Variants in C11orf65 observed in about 807,000 individuals in gnomAD.
C11orf65 encodes chromosome 11 open reading frame 65, also known as protein MFI.
Under a neutral mutation model 35.3 loss-of-function variants are expected in C11orf65, and 38 were observed. The observed-to-expected ratio is 1.08, with a 90% CI of 0.83 to 1.41. The LOEUF is 1.41. Among genes scored for constraint, C11orf65 ranks in the 40% most tolerant of loss-of-function variants. The pLI is 0.00. For missense variants in C11orf65, 370 were observed against 367.1 expected (o/e 1.01, Z -0.06); for synonymous variants, 105 against 114.4 (o/e 0.92, Z 0.53).
At position 108,326,121 on chromosome 11, in the gene C11orf65, T is replaced by C. The variant is rs746815819; in HGVS notation, c.641-17050A>G. ...TTCAGTTAGCTGTGGAGTCTCTGAG[T>C]GGCAGCTGGAAGAAGCACAAGTATT... On this transcript the variant is annotated intron_variant, in intron 6 of 6. Transcript: ENST00000525729. The C allele has an allele frequency of 6.2e-7, 1 of 1,614,118 alleles. No homozygotes were observed. The highest frequency in any genetic ancestry group is 8.5e-7 in the Non-Finnish European group (1 of 1,179,994).
At chr11:108,354,026 G>T in intron 2 of C11orf65, 1 of 685,294 alleles carries the variant, frequency 1.5e-6, no homozygotes. Flanking sequence ...GTCCAGCCTA[G>T]GCAATACAGC....
chr11:108,469,193 C>T (rs2093562875), upstream of C11orf65, among the ~76,000 whole-genome samples: 2 of 147,066 alleles, frequency 1.4e-5, no homozygotes, highest in South Asian at 4.3e-4. Flanking sequence ...TTCAGCCTGG[C>T]AACACAGCAA....
chr11:108,349,456 A>G (rs1437007673), intron 2 of C11orf65, among the ~76,000 whole-genome samples: 1 of 152,184 alleles, frequency 6.6e-6, no homozygotes, highest in Non-Finnish European at 1.5e-5. Flanking sequence ...CGAGGTCAGG[A>G]GATTGAGACC....
intron 3 of C11orf65, among the ~76,000 whole-genome samples, chr11:108,427,518 G>T (rs1405833002): frequency 6.6e-6 from 1 of 151,054 alleles, no homozygotes; most frequent in African/African-American, 2.4e-5. Context: ...AGGAGATCGA[G>T]ACCATCCTGG....
At chr11:108,368,106 C>G (rs567752032) in intron 2 of C11orf65, 1 of 207,776 alleles carries the variant, frequency 4.8e-6, no homozygotes, top group South Asian at 1.9e-4. Flanking sequence ...CTGTTCTGTT[C>G]AAGTATTCTA....
At chr11:108,468,087 T>A (rs2093558603), upstream of C11orf65, among the ~76,000 whole-genome samples, 2 of 151,962 alleles carry the variant, frequency 1.3e-5, no homozygotes, top group South Asian at 4.2e-4. Context: ...CCCTACCCCA[T>A]CTCCCGCCTT....
At chr11:108,379,590 A>T (rs2091819734), downstream of C11orf65, among the ~76,000 whole-genome samples, 1 of 152,074 alleles carries the variant, frequency 6.6e-6, no homozygotes, top group South Asian at 2.1e-4. Flanking sequence ...ACTAATTCGC[A>T]CATTGTGCAC....
At chr11:108,391,625 C>T (rs1049908135) in intron 7 of C11orf65, among the ~76,000 whole-genome samples, 8 of 152,168 alleles carry the variant, frequency 5.3e-5, no homozygotes, top group African/African-American at 1.7e-4. Context: ...ACAGTCCACC[C>T]GCCTTGACCT....
intron 6 of C11orf65, among the ~76,000 whole-genome samples, chr11:108,400,002 T>C (rs2092408924): frequency 6.6e-6 from 1 of 152,224 alleles, no homozygotes; most frequent in Non-Finnish European, 1.5e-5. Flanking sequence ...ACCATGGACA[T>C]TTCTAATGCT....
intron 2 of C11orf65, 95 bp downstream of exon 2, chr11:108,461,384 A>G: frequency 1.1e-6 from 1 of 935,092 alleles, no homozygotes; most frequent in Non-Finnish European, 1.7e-6. Flanking sequence ...TAGGCAACAG[A>G]GAGAGATTCT....
intron 2 of C11orf65, among the ~76,000 whole-genome samples, chr11:108,372,986 A>C (rs2091612911): frequency 6.6e-6 from 1 of 152,272 alleles, no homozygotes; most frequent in African/African-American, 2.4e-5. Flanking sequence ...TGGCTGAGGC[A>C]CAAGAATCAC....
intron 2 of C11orf65, among the ~76,000 whole-genome samples, chr11:108,342,175 G>C (rs185155205): frequency 6.6e-6 from 1 of 152,092 alleles, no homozygotes; most frequent in Non-Finnish European, 1.5e-5. Flanking sequence ...TTCCAGTGTG[G>C]CCCAGGGAAT....
intron 3 of C11orf65, among the ~76,000 whole-genome samples, chr11:108,334,735 C>T (rs138963508): frequency 3.9e-5 from 6 of 152,080 alleles, no homozygotes; most frequent in Admixed American, 3.9e-4. Context: ...TTTATGTTTT[C>T]GTGAGGAGTT....
intron 3 of C11orf65, among the ~76,000 whole-genome samples, chr11:108,409,728 T>C (rs1371630652): frequency 6.6e-6 from 1 of 152,132 alleles, no homozygotes. Context: ...GGAGCATTAC[T>C]GCCTGAGCTC....
chr11:108,342,181 G>A (rs2087666159), intron 2 of C11orf65, among the ~76,000 whole-genome samples: 1 of 152,024 alleles, frequency 6.6e-6, no homozygotes, highest in Non-Finnish European at 1.5e-5. Flanking sequence ...TGTGGCCCAG[G>A]GAATCCAAAA....
intron 2 of C11orf65, among the ~76,000 whole-genome samples, chr11:108,375,301 A>G (rs2091692472): frequency 6.8e-6 from 1 of 146,008 alleles, no homozygotes; most frequent in Non-Finnish European, 1.5e-5. Flanking sequence ...CAGAAACCCT[A>G]CAAGCCAGAA....
intron 6 of C11orf65, chr11:108,321,179 G>A: frequency 7.7e-7 from 1 of 1,297,948 alleles, no homozygotes; most frequent in Non-Finnish European, 1.1e-6. Context: ...ACTGTTGCTT[G>A]TTAGTATTAT....
intron 3 of C11orf65, among the ~76,000 whole-genome samples, chr11:108,408,731 A>AACAAAACAAAAC (rs1565660218): frequency 7.8e-5 from 3 of 38,334 alleles, no homozygotes; most frequent in African/African-American, 1.5e-4. Context: ...AATAAAATAA[A>AACAAAACAAAAC]ATGATATAAG....
intron 6 of C11orf65, among the ~76,000 whole-genome samples, chr11:108,313,017 T>C (rs1036735740): frequency 6.6e-6 from 1 of 152,202 alleles, no homozygotes; most frequent in African/African-American, 2.4e-5. Context: ...TCTATGCCGC[T>C]GCTTTCAGCC....
Sources: gnomAD v4.1 joint callset for allele counts (sites outside exome capture counted in the v4.1 genomes callset) on GRCh38, gnomAD v4.1.1 for gene constraint, MANE v1.5 for transcripts, NCBI Gene and HGNC (gene_info 2026-07-23, HGNC 2026-07-21) for gene names.